Variants in CTTN observed in about 807,000 individuals in gnomAD.
The protein encoded by CTTN is cortactin, also known as src substrate cortactin.
In CTTN, 28 loss-of-function variants were observed where a neutral mutation model predicts 84.0. The ratio of observed to expected loss-of-function variants is 0.33; its 90% CI spans 0.25 to 0.46. CTTN has a LOEUF of 0.46. Among genes scored for constraint, CTTN ranks in the 20% least tolerant of loss-of-function variants. The pLI is 1.00. For missense variants in CTTN, 641 were observed against 723.8 expected (o/e 0.89, Z 1.31); for synonymous variants, 301 against 288.8 (o/e 1.04, Z -0.43).
chr11:70,414,441 G>T (rs1228864420), intron 5 of CTTN, 101 bp from the exon 6 acceptor site: 2 of 834,184 alleles, frequency 2.4e-6, no homozygotes, highest in East Asian at 5.0e-5. Flanking sequence ...AGGTTTCCCT[G>T]CACTGACCAG....
intron 4 of CTTN, among the ~76,000 whole-genome samples, chr11:70,408,830 T>G (rs1371114403): frequency 2.6e-5 from 4 of 152,186 alleles, no homozygotes; most frequent in African/African-American, 7.2e-5. Flanking sequence ...TGGGGCTGAC[T>G]TGGGAGTCCA....
chr11:70,436,228 C>A lies in CTTN; in HGVS notation c.*1066C>A. 1 of 1,583,438 alleles carries A rather than the reference C, an allele frequency of 6.3e-7. No individual in the cohort carries two copies. Among genetic ancestry groups the A allele is most frequent in the Non-Finnish European group, 8.5e-7 (1 of 1,171,296 alleles). ...GAGTGTGTGTTCTTCCCCAAGGTCC[C>A]CCCACAGCTCCAGGACACCGCTGTC... On this transcript the variant is annotated 3_prime_UTR_variant, in exon 18 of 18. Transcript: ENST00000301843.
Position 70,433,724 on chromosome 11 carries a change from C to A in CTTN, c.1516+6C>A, listed in dbSNP as rs942337492. The A allele has an allele frequency of 2.5e-6, 4 of 1,609,970 alleles. No homozygotes were observed. The Admixed American group carries it at 6.7e-5, about 27-fold the overall frequency. ...CCTGTACGACTACCAGGCTGGTGAG[C>A]GGCCTGCAAAAGCACTTGGAGGGGA... On this transcript the variant is annotated splice_donor_region_variant and intron_variant, in intron 17 of 17. Coordinates refer to ENST00000301843, the MANE Select transcript of CTTN (RefSeq NM_005231.4).
intron 1 of CTTN, among the ~76,000 whole-genome samples, chr11:70,404,869 G>T (rs1003897847): frequency 1.3e-5 from 2 of 152,170 alleles, no homozygotes; most frequent in African/African-American, 4.8e-5. Context: ...GGGCGTGGTG[G>T]CGCCTGCCTG....
chr11:70,419,253 G>C (rs2058200794), intron 8 of CTTN, among the ~76,000 whole-genome samples: 1 of 151,824 alleles, frequency 6.6e-6, no homozygotes, highest in Admixed American at 6.6e-5. Flanking sequence ...TGGGATTACA[G>C]GTGTGGGCCA....
intron 6 of CTTN, 83 bp from the exon 7 acceptor site, chr11:70,415,575 AATGTC>A: frequency 1.6e-5 from 19 of 1,213,198 alleles, no homozygotes; most frequent in South Asian, 8.5e-5. Context: ...TATTTTTTTA[AATGTC>A]ATGTCATGAA....
intron 12 of CTTN, 89 bp from the exon 13 acceptor site, chr11:70,425,243 G>A (rs918975465): frequency 9.9e-7 from 1 of 1,014,064 alleles, no homozygotes; most frequent in African/African-American, 1.6e-5. Context: ...GGAAGATCTG[G>A]GGAAGGCATT....
intron 4 of CTTN, among the ~76,000 whole-genome samples, chr11:70,409,046 T>C (rs1485311760): frequency 6.6e-6 from 1 of 152,204 alleles, no homozygotes; most frequent in Non-Finnish European, 1.5e-5. Context: ...TTCTTCATGC[T>C]CTGGGGCCTT....
In CTTN at chr11:70,435,925, G is replaced by A. The variant is rs2058412954; in HGVS notation, c.*763G>A. 6 of 1,458,026 alleles carry A rather than the reference G, an allele frequency of 4.1e-6. No homozygotes were observed. The South Asian group carries it at 7.2e-5, about 17-fold the overall frequency. The allele number at this position is 1,458,026 out of a possible 1,614,324, so 90.3% of individuals were successfully genotyped here. The stretch of plus-strand genomic sequence containing the variant: ...GCCCCGCGGGTCTCTGGATTGGGAC[G>A]CACAGTGCAGTTGAGGTCTGCGTCG... On this transcript the variant is annotated 3_prime_UTR_variant, in exon 18 of 18. Coordinates refer to ENST00000301843, the MANE Select transcript of CTTN (RefSeq NM_005231.4).
intron 1 of CTTN, among the ~76,000 whole-genome samples, chr11:70,399,677 C>T (rs925169724): frequency 1.3e-5 from 2 of 152,160 alleles, no homozygotes; most frequent in African/African-American, 4.8e-5. Context: ...GCTGGAAGGC[C>T]TTGGGTGAGA....
chr11:70,399,664 G>A lies in CTTN; in HGVS notation c.-98+1050G>A, dbSNP rs73516245. Reference sequence around the variant, plus strand: ...ATAGTCTAAGGGATGCCTGATCCCTGAAGCTGGAAGGCCTTGGGTGAGAAG... The same window carrying A: ...ATAGTCTAAGGGATGCCTGATCCCTAAAGCTGGAAGGCCTTGGGTGAGAAG... On this transcript the variant is annotated intron_variant, in intron 1 of 17. Transcript: ENST00000301843. Among the ~76,000 whole-genome samples, 455 of 152,312 alleles carry A rather than the reference G, an allele frequency of 3.0e-3. 3 individuals carry two copies. The highest frequency in any genetic ancestry group is 0.01 in the African/African-American group (422 of 41,554).
chr11:70,426,406 G>A lies in CTTN; in HGVS notation c.1027+1005G>A, dbSNP rs547525355. Among the ~76,000 whole-genome samples, 92 of 139,710 alleles carry A rather than the reference G, an allele frequency of 6.6e-4. 1 individual carries two copies. The South Asian group carries it at 0.019, about 30-fold the overall frequency. The allele number at this position is 139,710 out of a possible 152,430, so 91.7% of individuals were successfully genotyped here. ...AGCCTGGATGACAGAGCGAGACTCC[G>A]TCTCAAAAAAAAAAAAAAAAGAGAG... On this transcript the variant is annotated intron_variant, in intron 13 of 17. Coordinates refer to ENST00000301843, the MANE Select transcript of CTTN (RefSeq NM_005231.4).
At chr11:70,404,663 A>C (rs1479313585) in intron 1 of CTTN, among the ~76,000 whole-genome samples, 1 of 152,270 alleles carries the variant, frequency 6.6e-6, no homozygotes, top group Non-Finnish European at 1.5e-5. Context: ...CAAACAGTAA[A>C]TGCATACTAG....
chr11:70,416,917 G>A (rs757114671), intron 7 of CTTN, 96 bp from the exon 8 acceptor site: 2 of 837,202 alleles, frequency 2.4e-6, no homozygotes, highest in South Asian at 2.7e-5. Context: ...ATGTGTTTGT[G>A]AGTTGTAACC....
intron 7 of CTTN, 21 bp from the exon 8 acceptor site, chr11:70,416,992 A>G: frequency 1.3e-6 from 2 of 1,593,716 alleles, no homozygotes; most frequent in South Asian, 2.2e-5. Flanking sequence ...CCCCGTGCTA[A>G]TTGCTGCCCT....
Position 70,436,086 on chromosome 11 carries a change from T to C in CTTN, c.*924T>C, listed in dbSNP as rs1057376550. On this transcript the variant is annotated 3_prime_UTR_variant, in exon 18 of 18. Coordinates refer to ENST00000301843, the MANE Select transcript of CTTN (RefSeq NM_005231.4). Reference sequence around the variant, plus strand: ...TTGGGAAGGAAGGCAGTGCCTGCTCTGCTGTGAGCCGCCAGGAACCCTCCT... The same window carrying C: ...TTGGGAAGGAAGGCAGTGCCTGCTCCGCTGTGAGCCGCCAGGAACCCTCCT... 3 of 1,426,404 alleles carry C rather than the reference T, an allele frequency of 2.1e-6. No homozygotes were observed. In the African/African-American group the frequency reaches 4.3e-5, roughly 21 times the overall value. The allele number at this position is 1,426,404 out of a possible 1,614,324, so 88.4% of individuals were successfully genotyped here.
chr11:70,432,996 T>G (rs2058371860), intron 15 of CTTN, 105 bp from the exon 16 acceptor site: 5 of 1,234,034 alleles, frequency 4.1e-6, no homozygotes, highest in Non-Finnish European at 5.7e-6. Flanking sequence ...TGGCTGGGAC[T>G]GAGAATTAGA....
At chr11:70,433,027 G>A in intron 15 of CTTN, 74 bp from the exon 16 acceptor site, 1 of 1,478,068 alleles carries the variant, frequency 6.8e-7, no homozygotes, top group Non-Finnish European at 9.2e-7. Context: ...GTTTCTGCTG[G>A]CTGTGGCAGT....
Position 70,435,151 on chromosome 11 carries a change from C to G in CTTN, c.1642C>G (p.Leu548Val), listed in dbSNP as rs753071085. 5 of 1,609,282 alleles carry G rather than the reference C, an allele frequency of 3.1e-6. No individual in the cohort carries two copies. Among genetic ancestry groups the G allele is most frequent in the Non-Finnish European group, 4.2e-6 (5 of 1,178,048 alleles). ...YGLFPANYVE[L>V]RQ Reference sequence around the variant, plus strand: ...GCTCTTCCCAGCCAACTATGTGGAGCTGCGGCAGTAGGGCCCCCAGCCCCC... The same window carrying G: ...GCTCTTCCCAGCCAACTATGTGGAGGTGCGGCAGTAGGGCCCCCAGCCCCC... The change falls in exon 18 of 18, where the codon CTG becomes GTG. Residue 548 changes from leucine (L) to valine (V), a missense_variant. Leu to Val is a conservative substitution (Grantham distance 32). Around this residue, in one of 3 missense-constraint regions of CTTN, gnomAD observed 68 missense variants for 102.2 expected, o/e 0.67. Transcript: ENST00000301843.
Sources: gnomAD v4.1 joint callset for allele counts (sites outside exome capture counted in the v4.1 genomes callset) on GRCh38, gnomAD v4.1.1 for gene constraint, gnomAD v4.1.1 regional missense constraint, MANE v1.5 for transcripts, NCBI Gene and HGNC (gene_info 2026-07-23, HGNC 2026-07-21) for gene names.